Variants in CNRIP1 observed in about 807,000 individuals in gnomAD.
The protein encoded by CNRIP1 is CB1 cannabinoid receptor-interacting protein 1.
A neutral mutation model predicts 15.2 loss-of-function variants in CNRIP1; 10 were observed. That is an observed-to-expected ratio of 0.66 (90% CI 0.41 to 1.12). CNRIP1 has a LOEUF of 1.12. CNRIP1 is among the 50% of genes most tolerant of loss of function. The probability of loss-of-function intolerance (pLI) is 0.00; values close to 1 mark genes in which losing one functional copy is unlikely to be tolerated. For synonymous variants in CNRIP1, 91 were observed against 83.2 expected, an observed-to-expected ratio of 1.09 and a Z score of -0.51; for missense variants, 211 against 214.7, an observed-to-expected ratio of 0.98 and a Z score of 0.11.
chr2:68,284,723 A>G (rs1459746795), intron 2 of CNRIP1, among the ~76,000 whole-genome samples: 3 of 151,180 alleles, frequency 2.0e-5, no homozygotes, highest in African/African-American at 7.3e-5. Context: ...GAGGCAGAGA[A>G]TCACTTGAAG....
chr2:68,305,274 A>ATGTGTGTG (rs10601379), intron 2 of CNRIP1, among the ~76,000 whole-genome samples: 1,290 of 120,602 alleles, frequency 0.011, 28 homozygotes, highest in African/African-American at 0.022. Flanking sequence ...ATATATATAT[A>ATGTGTGTG]TGTGTGTGTG....
chr2:68,289,224 T>C (rs549724165), downstream of CNRIP1, among the ~76,000 whole-genome samples: 2 of 152,326 alleles, frequency 1.3e-5, no homozygotes, highest in Admixed American at 1.3e-4. Context: ...TTCAAAACTA[T>C]GTCTTTATAT....
rs766754594 is a variant in CNRIP1 at position 68,319,358 on chromosome 2, G to A, written c.43C>T (p.Arg15Cys). Reference sequence around the variant, plus strand: ...ACCGGGCCGTCATTAGGCTGGATGCGCAGCGCGATGGAGAGGCGCACGAGG... The same window carrying A: ...ACCGGGCCGTCATTAGGCTGGATGCACAGCGCGATGGAGAGGCGCACGAGG... ...PGLVRLSIAL[R>C]IQPNDGPVFY... The change falls in exon 1 of 3, where the codon CGC (arginine) becomes TGC (cysteine). Residue 15 changes from arginine (R) to cysteine (C), a missense_variant. Transcript: ENST00000263655. 6.3e-7 allele frequency: 1 copy of A among 1,584,678 alleles called. No individual in the cohort carries two copies. Among genetic ancestry groups the A allele is most frequent in the Non-Finnish European group, 8.6e-7 (1 of 1,166,454 alleles).
chr2:68,297,567 C>CAA (rs112601365), intron 2 of CNRIP1, among the ~76,000 whole-genome samples: 1,107 of 98,378 alleles, frequency 0.011, 15 homozygotes, highest in Non-Finnish European at 0.015. Flanking sequence ...GACACTGTCT[C>CAA]AAAAAAAAAA....
At chr2:68,302,741 A>G (rs749916674) in intron 2 of CNRIP1, among the ~76,000 whole-genome samples, 2 of 151,450 alleles carry the variant, frequency 1.3e-5, no homozygotes, top group Non-Finnish European at 2.9e-5. Flanking sequence ...GTTATCAATG[A>G]TTTTTTCACC....
At chr2:68,288,596 A>G (rs1339642348), downstream of CNRIP1, among the ~76,000 whole-genome samples, 1 of 152,240 alleles carries the variant, frequency 6.6e-6, no homozygotes, top group Non-Finnish European at 1.5e-5. Flanking sequence ...CTCTAATAGT[A>G]GTTAACATGG....
At chr2:68,285,656 CAAAA>C (rs772428324) in intron 2 of CNRIP1, among the ~76,000 whole-genome samples, 4,647 of 103,860 alleles carry the variant, frequency 0.045, 107 homozygotes, top group Admixed American at 0.11. Context: ...GACCCTGTCT[CAAAA>C]AAAAAAAAAA....
intron 2 of CNRIP1, among the ~76,000 whole-genome samples, chr2:68,311,511 T>C (rs960786736): frequency 6.6e-6 from 1 of 152,036 alleles, no homozygotes; most frequent in Non-Finnish European, 1.5e-5. Flanking sequence ...CGGCAGCTCA[T>C]ACCTGTAATC....
At position 68,319,497 on chromosome 2, in the gene CNRIP1, G is replaced by A. The variant is rs966592702; in HGVS notation, c.-97C>T. 1 of 1,222,168 alleles carries A rather than the reference G, an allele frequency of 8.2e-7. No homozygotes were observed. Among genetic ancestry groups the A allele is most frequent in the South Asian group, 1.6e-5 (1 of 61,348 alleles). 75.7% of individuals were successfully genotyped at this position (1,222,168 alleles called of 1,614,324 possible). ...GCGCGAGGGGCGGAGAGGAAGCGCG[G>A]GGAGGGTGAGGGAGGTGGTGGAGCT... On this transcript the variant is annotated 5_prime_UTR_variant, in exon 1 of 3. Transcript: ENST00000263655.
intron 2 of CNRIP1, among the ~76,000 whole-genome samples, chr2:68,301,687 C>G (rs577126602): frequency 6.6e-6 from 1 of 151,902 alleles, no homozygotes; most frequent in Non-Finnish European, 1.5e-5. Flanking sequence ...GTCAGGAGAT[C>G]GAGACCATCC....
rs753856339 is a variant in CNRIP1 at position 68,317,201 on chromosome 2, G to C, written c.286C>G (p.Pro96Ala). The change falls in exon 2 of 3, where the codon CCA (proline) becomes GCA (alanine). Residue 96 changes from proline to alanine, a missense_variant. Pro to Ala is a conservative substitution (Grantham distance 27). Coordinates refer to ENST00000263655, the MANE Select transcript of CNRIP1 (RefSeq NM_015463.3). The stretch of plus-strand genomic sequence containing the variant: ...GGTTGCCGTTCTCCACTCTTCGTTG[G>C]GGTCACACCTTCTGTGTCATATGTA... ...TGTYDTEGVT[P>A]TKSGERQPIQ... The C allele has an allele frequency of 1.9e-6, 3 of 1,614,132 alleles. No homozygotes were observed. The highest frequency in any genetic ancestry group is 2.5e-6 in the Non-Finnish European group (3 of 1,180,034).
At chr2:68,315,178 A>C (rs1672226895) in intron 2 of CNRIP1, among the ~76,000 whole-genome samples, 1 of 152,214 alleles carries the variant, frequency 6.6e-6, no homozygotes, top group South Asian at 2.1e-4. Flanking sequence ...GATACACTTA[A>C]GCAGAAAAAT....
downstream of CNRIP1, among the ~76,000 whole-genome samples, chr2:68,290,476 T>C (rs1671139522): frequency 6.6e-6 from 1 of 152,244 alleles, no homozygotes; most frequent in African/African-American, 2.4e-5. Context: ...ATTATTTATG[T>C]ACCTACAGGA....
At chr2:68,307,346 C>A (rs1180773496) in intron 2 of CNRIP1, among the ~76,000 whole-genome samples, 1 of 152,144 alleles carries the variant, frequency 6.6e-6, no homozygotes, top group Admixed American at 6.5e-5. Context: ...TTTGTTGAGG[C>A]AGGATCACTC....
At chr2:68,319,160 G>A (rs1205076625) in intron 1 of CNRIP1, 62 bp downstream of exon 1, 1 of 1,447,610 alleles carries the variant, frequency 6.9e-7, no homozygotes, top group Non-Finnish European at 9.1e-7. Flanking sequence ...TGTCCTGGGG[G>A]CCTCAGTCCT....
At chr2:68,314,858 A>G (rs940972308) in intron 2 of CNRIP1, among the ~76,000 whole-genome samples, 27 of 152,146 alleles carry the variant, frequency 1.8e-4, no homozygotes, top group African/African-American at 4.6e-4. Context: ...ATATAAAAGT[A>G]AGAACTGAAA....
chr2:68,299,744 T>G (rs1258213173), intron 2 of CNRIP1, among the ~76,000 whole-genome samples: 1 of 152,238 alleles, frequency 6.6e-6, no homozygotes, highest in Non-Finnish European at 1.5e-5. Flanking sequence ...AGAACACATC[T>G]GATTCCAAGG....
chr2:68,285,393 A>C (rs1671004432), intron 2 of CNRIP1, among the ~76,000 whole-genome samples: 1 of 152,174 alleles, frequency 6.6e-6, no homozygotes, highest in Admixed American at 6.5e-5. Context: ...TCATACAATC[A>C]ATCTTAAGGG....
Position 68,293,625 on chromosome 2 carries a change from G to A in CNRIP1, c.*237C>T, listed in dbSNP as rs1037732942. On this transcript the variant is annotated 3_prime_UTR_variant, in exon 3 of 3. Transcript: ENST00000263655. ...GTATGACCGAGAACAACTGGATGCA[G>A]GAACATCAGCACAAAATACAGATGG... The A allele has an allele frequency of 4.2e-6, 5 of 1,196,298 alleles. No individual in the cohort carries two copies. The African/African-American group carries it at 7.6e-5, about 18-fold the overall frequency. 74.1% of individuals were successfully genotyped at this position (1,196,298 alleles called of 1,614,324 possible).
Sources: gnomAD v4.1 joint callset for allele counts (sites outside exome capture counted in the v4.1 genomes callset) on GRCh38, gnomAD v4.1.1 for gene constraint, MANE v1.5 for transcripts, NCBI Gene and HGNC (gene_info 2026-07-23, HGNC 2026-07-21) for gene names.